TENM3: variants seen among roughly 807,000 people sequenced by gnomAD.
TENM3 encodes the protein teneurin-3.
TENM3 carries 63 observed loss-of-function variants against 255.1 expected under a neutral mutation model. The observed-to-expected ratio is 0.25, with a 90% CI of 0.20 to 0.30. TENM3 has a LOEUF of 0.30. TENM3 is among the 10% of genes least tolerant of loss of function. The pLI is 1.00. For missense variants in TENM3, 2,929 were observed against 3,461.1 expected, an observed-to-expected ratio of 0.85 and a Z score of 3.86; for synonymous variants, 1,306 against 1,322.3, an observed-to-expected ratio of 0.99 and a Z score of 0.27.
chr4:181,977,041 A>G, the TENM3 span, among the ~76,000 whole-genome samples: 1,022 of 152,340 alleles, frequency 6.7e-3, 9 homozygotes, highest in African/African-American at 0.024. Context: ...TAGTTGAGCC[A>G]GCTCGAGCTA....
At chr4:182,493,384 T>C (rs1735481179) in intron 3 of TENM3, among the ~76,000 whole-genome samples, 1 of 152,174 alleles carries the variant, frequency 6.6e-6, no homozygotes, top group African/African-American at 2.4e-5. Flanking sequence ...ATTTAGGATT[T>C]CATTTTGTTG....
chr4:181,761,001 C>CAT, the TENM3 span, among the ~76,000 whole-genome samples: 3 of 150,166 alleles, frequency 2.0e-5, no homozygotes, highest in African/African-American at 7.3e-5. Context: ...CACACACACA[C>CAT]ACACACACAC....
chr4:181,830,337 C>G, the TENM3 span, among the ~76,000 whole-genome samples: 1 of 152,144 alleles, frequency 6.6e-6, no homozygotes, highest in African/African-American at 2.4e-5. Flanking sequence ...GGCACAATCT[C>G]TGCTCACTGC....
At chr4:181,630,856 G>A in the TENM3 span, among the ~76,000 whole-genome samples, 5 of 152,090 alleles carry the variant, frequency 3.3e-5, no homozygotes, top group Non-Finnish European at 5.9e-5. Context: ...TATTAGGTCC[G>A]CTTGGTGTGC....
intron 27 of TENM3, among the ~76,000 whole-genome samples, chr4:182,798,605 C>T (rs1024093061): frequency 2.0e-5 from 3 of 152,236 alleles, no homozygotes; most frequent in African/African-American, 7.2e-5. Flanking sequence ...GAAGACATAC[C>T]GAAGTTTCCT....
the TENM3 span, among the ~76,000 whole-genome samples, chr4:182,007,549 T>C: frequency 6.6e-6 from 1 of 152,194 alleles, no homozygotes; most frequent in Non-Finnish European, 1.5e-5. Flanking sequence ...TTGCAACCCC[T>C]GCTTTATTTT....
In TENM3 at chr4:182,206,052, T is replaced by TA. The variant is rs60159341; in HGVS notation, c.-76+61310dup. Among the ~76,000 whole-genome samples the TA allele has an allele frequency of 3.6e-4, 53 of 148,032 alleles. 1 individual carries two copies. Among genetic ancestry groups the TA allele is most frequent in the South Asian group, 1.5e-3 (7 of 4,668 alleles). On this transcript the variant is annotated intron_variant, in intron 1 of 2. Transcript: ENST00000512480. ...CACCGAAAGAAGAAATCTGTAAAATTAAAAAAAAAAAAGAAAGAAATCAGC... is the reference window on the plus strand; with the variant it reads ...CACCGAAAGAAGAAATCTGTAAAATTAAAAAAAAAAAAAGAAAGAAATCAGC...
intron 5 of TENM3, among the ~76,000 whole-genome samples, chr4:182,633,402 CTT>C (rs1361515230): frequency 6.6e-6 from 1 of 152,206 alleles, no homozygotes; most frequent in African/African-American, 2.4e-5. Flanking sequence ...TAAAAACACT[CTT>C]AACACCATAC....
the TENM3 span, chr4:181,906,267 C>T: frequency 1.1e-5 from 2 of 182,652 alleles, no homozygotes; most frequent in Non-Finnish European, 2.3e-5. Context: ...CTCCAGTGGT[C>T]TATAGGGGTT....
chr4:181,607,045 A>G, the TENM3 span, among the ~76,000 whole-genome samples: 1 of 152,202 alleles, frequency 6.6e-6, no homozygotes, highest in African/African-American at 2.4e-5. Context: ...TACAAAACCA[A>G]GTGAACCAGA....
chr4:181,906,847 G>C, the TENM3 span, among the ~76,000 whole-genome samples: 1 of 152,084 alleles, frequency 6.6e-6, no homozygotes, highest in African/African-American at 2.4e-5. Flanking sequence ...ACTGTACTAG[G>C]CTTCTTCTTG....
At chr4:182,072,761 CTT>C in the TENM3 span, among the ~76,000 whole-genome samples, 1 of 152,224 alleles carries the variant, frequency 6.6e-6, no homozygotes, top group South Asian at 2.1e-4. Context: ...TGATGAAAGA[CTT>C]TTTGTGTGTC....
chr4:181,672,435 G>T, the TENM3 span, among the ~76,000 whole-genome samples: 1 of 152,040 alleles, frequency 6.6e-6, no homozygotes. Context: ...AGGATTTTTC[G>T]TATAACATCT....
chr4:182,004,559 G>A, the TENM3 span, among the ~76,000 whole-genome samples: 14 of 152,130 alleles, frequency 9.2e-5, no homozygotes, highest in Admixed American at 7.9e-4. Flanking sequence ...CTTTATAGTA[G>A]GATGATTTAT....
At chr4:182,288,014 C>T (rs113927037) in intron 1 of TENM3, among the ~76,000 whole-genome samples, 4,278 of 151,358 alleles carry the variant, frequency 0.028, 201 homozygotes, top group African/African-American at 0.097. Context: ...CTGGGGTCAC[C>T]GCAACCTCTG....
At chr4:182,095,122 C>T in the TENM3 span, among the ~76,000 whole-genome samples, 2 of 152,078 alleles carry the variant, frequency 1.3e-5, no homozygotes, top group Non-Finnish European at 2.9e-5. Context: ...TATGGAGATT[C>T]CTCACAAAAC....
At chr4:182,336,581 C>T (rs1357925184) in intron 2 of TENM3, among the ~76,000 whole-genome samples, 2 of 152,140 alleles carry the variant, frequency 1.3e-5, no homozygotes, top group African/African-American at 4.8e-5. Flanking sequence ...TGGTTCTACC[C>T]TTTGGGGGTT....
the TENM3 span, among the ~76,000 whole-genome samples, chr4:181,622,654 C>A: frequency 6.6e-6 from 1 of 152,122 alleles, no homozygotes; most frequent in Non-Finnish European, 1.5e-5. Flanking sequence ...CCAACCTGGG[C>A]AACAGAGCAA....
chr4:182,262,459 C>T (rs941187615), intron 1 of TENM3, among the ~76,000 whole-genome samples: 9 of 152,150 alleles, frequency 5.9e-5, no homozygotes, highest in African/African-American at 1.7e-4. Flanking sequence ...GTAAGGGAGC[C>T]GGCCAAAACC....
Sources: allele counts gnomAD v4.1 joint callset (sites outside exome capture counted in the v4.1 genomes callset), GRCh38; gene constraint gnomAD v4.1.1; transcripts MANE v1.5; gene names NCBI Gene and HGNC (gene_info 2026-07-23, HGNC 2026-07-21).